The following PLEKHA7 variants were observed in gnomAD, a reference collection of about 807,000 sequenced individuals.
PLEKHA7 encodes pleckstrin homology domain containing A7.
In PLEKHA7, 104 loss-of-function variants were observed where a neutral mutation model predicts 170.0. The ratio of observed to expected loss-of-function variants is 0.61; its 90% CI spans 0.52 to 0.72. PLEKHA7 has a LOEUF of 0.72. PLEKHA7 is among the 30% of genes least tolerant of loss of function. PLEKHA7 has a pLI of 0.00. For missense variants in PLEKHA7, 1,615 were observed against 1,671.7 expected (o/e 0.97, Z 0.59); for synonymous variants, 648 against 660.8 (o/e 0.98, Z 0.30).
chr11:16,900,513 C>G (rs555157878), intron 3 of PLEKHA7, among the ~76,000 whole-genome samples: 1 of 152,298 alleles, frequency 6.6e-6, no homozygotes, highest in African/African-American at 2.4e-5. Context: ...CATAGACACC[C>G]CATTATATTT....
At chr11:16,912,297 G>T (rs537867281) in intron 3 of PLEKHA7, among the ~76,000 whole-genome samples, 2 of 152,172 alleles carry the variant, frequency 1.3e-5, no homozygotes, top group Non-Finnish European at 2.9e-5. Flanking sequence ...GCCAGGGGTG[G>T]CACTCACTGG....
At chr11:16,805,795 AAAAAAAAAAAAAC>A (rs1338878244) in intron 13 of PLEKHA7, among the ~76,000 whole-genome samples, 1 of 75,152 alleles carries the variant, frequency 1.3e-5, no homozygotes, top group Non-Finnish European at 3.3e-5. Context: ...ATGTCAAAAA[AAAAAAAAAAAAAC>A]AAAAACAAAA....
chr11:16,990,294 A>AACAAAAAAC (rs764413488), intron 3 of PLEKHA7, among the ~76,000 whole-genome samples: 6,344 of 148,900 alleles, frequency 0.043, 397 homozygotes, highest in East Asian at 0.14. Context: ...AAAAAAAAAA[A>AACAAAAAAC]AAAAACTTCT....
chr11:16,899,214 T>G (rs1402640662), intron 3 of PLEKHA7, among the ~76,000 whole-genome samples: 1 of 152,202 alleles, frequency 6.6e-6, no homozygotes, highest in African/African-American at 2.4e-5. Context: ...CTTTTGCATA[T>G]GGCTGGGCGC....
intron 24 of PLEKHA7, among the ~76,000 whole-genome samples, chr11:16,785,277 G>A (rs924296984): frequency 1.3e-5 from 2 of 152,236 alleles, no homozygotes; most frequent in Non-Finnish European, 2.9e-5. Context: ...AGACCTGGGG[G>A]AAAGTTTTAT....
At chr11:16,794,400 GT>G in intron 19 of PLEKHA7, 87 bp downstream of exon 19, 1 of 1,365,864 alleles carries the variant, frequency 7.3e-7, no homozygotes, top group Non-Finnish European at 1.0e-6. Context: ...ATTTCCCCAA[GT>G]TTTCCCAGGA....
At chr11:16,838,188 C>T (rs1482682737) in intron 9 of PLEKHA7, among the ~76,000 whole-genome samples, 2 of 152,246 alleles carry the variant, frequency 1.3e-5, no homozygotes, top group African/African-American at 4.8e-5. Flanking sequence ...AGGATAGATA[C>T]AGGCAATTCC....
intron 3 of PLEKHA7, among the ~76,000 whole-genome samples, chr11:16,923,063 C>A (rs1356471328): frequency 6.6e-6 from 1 of 152,180 alleles, no homozygotes; most frequent in Admixed American, 6.5e-5. Context: ...GCCTCACTTT[C>A]CCCCTAACCT....
At chr11:16,903,336 T>G (rs939948951) in intron 3 of PLEKHA7, among the ~76,000 whole-genome samples, 8 of 152,112 alleles carry the variant, frequency 5.3e-5, no homozygotes, top group African/African-American at 1.9e-4. Context: ...CATTAATGAA[T>G]GGAATGAATA....
In PLEKHA7 at chr11:16,817,569, G is replaced by A. The variant is rs1203429493; in HGVS notation, c.1344-247C>T. Among the ~76,000 whole-genome samples the A allele has an allele frequency of 1.3e-5, 2 of 152,176 alleles. No individual in the cohort carries two copies. The highest frequency in any genetic ancestry group is 6.5e-5 in the Admixed American group (1 of 15,282). The stretch of plus-strand genomic sequence containing the variant: ...GGCTACCCCATGCCCATCACTTGGA[G>A]TGCAATGTGATTAAACCTGGCTTTT... On this transcript the variant is annotated intron_variant, in intron 10 of 26. Coordinates refer to ENST00000531066, the MANE Select transcript of PLEKHA7 (RefSeq NM_001329630.2). The surrounding 1 kb of genome is among the most constrained non-coding windows in gnomAD (Gnocchi z 4.4).
chr11:16,910,718 G>T (rs532244905), intron 3 of PLEKHA7, among the ~76,000 whole-genome samples: 2 of 152,288 alleles, frequency 1.3e-5, no homozygotes, highest in Admixed American at 6.5e-5. Context: ...TGAACAGCCT[G>T]CAATATACAG....
chr11:16,820,889 G>C (rs545295357), intron 10 of PLEKHA7, among the ~76,000 whole-genome samples: 1 of 152,314 alleles, frequency 6.6e-6, no homozygotes, highest in South Asian at 2.1e-4. Flanking sequence ...GGCTCTAGGG[G>C]TCAAAACAAG....
In PLEKHA7 at chr11:16,998,822, T is replaced by A. The variant is rs1417120544; in HGVS notation, c.221+15167A>T. On this transcript the variant is annotated intron_variant, in intron 3 of 26. Coordinates refer to ENST00000531066, the MANE Select transcript of PLEKHA7 (RefSeq NM_001329630.2). ...TAGCATTCAACCATATTTTTTTAAA[T>A]CCCCAGGTCAAAATGTGTTGAAAAA... Among the ~76,000 whole-genome samples the A allele has an allele frequency of 5.4e-5, 8 of 149,180 alleles. No individual in the cohort carries two copies. The Admixed American group carries it at 5.4e-4, about 10-fold the overall frequency.
intron 3 of PLEKHA7, among the ~76,000 whole-genome samples, chr11:16,873,590 G>C (rs193294021): frequency 1.3e-5 from 2 of 152,344 alleles, no homozygotes; most frequent in African/African-American, 4.8e-5. Context: ...AGGACAAGAA[G>C]CAGAAGCAGG....
chr11:16,984,026 G>A (rs1863589227), intron 3 of PLEKHA7, among the ~76,000 whole-genome samples: 1 of 152,040 alleles, frequency 6.6e-6, no homozygotes, highest in African/African-American at 2.4e-5. Flanking sequence ...GCTGCAGCCT[G>A]GGCAACAGAG....
intron 15 of PLEKHA7, 111 bp downstream of exon 15, chr11:16,802,861 A>C (rs1460796179): frequency 3.1e-6 from 3 of 961,360 alleles, no homozygotes; most frequent in Non-Finnish European, 4.9e-6. Flanking sequence ...TTTTTTAAAT[A>C]AGCTAACATC....
intron 24 of PLEKHA7, 98 bp downstream of exon 24, chr11:16,786,130 TC>T: frequency 7.2e-7 from 1 of 1,386,920 alleles, no homozygotes; most frequent in South Asian, 1.4e-5. Flanking sequence ...CTGAGCCATG[TC>T]CCTGTTCAGG....
rs761512598 is a variant in PLEKHA7, at chr11:16,791,104, G to A, written c.2841C>T (p.Ile947=). Residue 947 remains isoleucine, a synonymous_variant, in exon 20 of 27, where the codon ATC becomes ATT. Transcript: ENST00000531066. The surrounding 1 kb of genome is among the most constrained non-coding windows in gnomAD (Gnocchi z 4.5). The part of the protein sequence containing the change: ...AVPPLPREAT[I]IRHTSVRGLK... ...GGCCCCGCACAGATGTGTGCCGGATGATGGTGGCCTCTCTTGGCAGAGGCG... is the reference window on the plus strand; with the variant it reads ...GGCCCCGCACAGATGTGTGCCGGATAATGGTGGCCTCTCTTGGCAGAGGCG... 5 of 1,614,186 alleles carry A rather than the reference G, an allele frequency of 3.1e-6. No individual in the cohort carries two copies. In the South Asian group the frequency reaches 5.5e-5, roughly 18 times the overall value.
At chr11:16,988,899 G>A (rs955786186) in intron 3 of PLEKHA7, among the ~76,000 whole-genome samples, 1 of 152,320 alleles carries the variant, frequency 6.6e-6, no homozygotes, top group African/African-American at 2.4e-5. Context: ...GATATCTGCA[G>A]CCAGCCCTCA....
Sources: allele counts gnomAD v4.1 joint callset (sites outside exome capture counted in the v4.1 genomes callset), GRCh38; gene constraint gnomAD v4.1.1; non-coding constraint Gnocchi (gnomAD v3.1); transcripts MANE v1.5; gene names NCBI Gene and HGNC (gene_info 2026-07-23, HGNC 2026-07-21).